The following BBS9 variants were observed in gnomAD, a reference collection of about 807,000 sequenced individuals.
BBS9 encodes Bardet-Biedl syndrome 9.
A neutral mutation model predicts 117.7 loss-of-function variants in BBS9; 89 were observed. The ratio of observed to expected loss-of-function variants is 0.76; its 90% confidence interval spans 0.64 to 0.90. BBS9 has a LOEUF of 0.90. BBS9 is among the 40% of genes least tolerant of loss of function. The pLI, the probability that BBS9 is intolerant of heterozygous loss-of-function variation, is 0.00. For missense variants in BBS9, 982 were observed against 1,042.2 expected (o/e 0.94, Z 0.80); for synonymous variants, 379 against 370.9 (o/e 1.02, Z -0.25).
intron 5 of BBS9, among the ~76,000 whole-genome samples, chr7:33,240,239 G>A (rs1562859534): frequency 6.8e-6 from 1 of 148,056 alleles, no homozygotes; most frequent in Non-Finnish European, 1.5e-5. Flanking sequence ...TGTGTAGGAG[G>A]GCTAATCATT....
chr7:33,203,501 G>A (rs1786288792), intron 5 of BBS9, among the ~76,000 whole-genome samples: 1 of 152,120 alleles, frequency 6.6e-6, no homozygotes. Context: ...TACTAAAAGT[G>A]TTGTTTCTGA....
chr7:33,141,703 T>G (rs1274697351), intron 1 of BBS9, among the ~76,000 whole-genome samples: 1 of 152,286 alleles, frequency 6.6e-6, no homozygotes, highest in East Asian at 1.9e-4. Flanking sequence ...ACTTTTTTTT[T>G]GTAGATAGTT....
chr7:33,178,507 C>G (rs1007902976), intron 5 of BBS9, among the ~76,000 whole-genome samples: 2 of 152,168 alleles, frequency 1.3e-5, no homozygotes, highest in East Asian at 1.9e-4. Flanking sequence ...CTCCCTGCAC[C>G]GTGACAGGGT....
intron 1 of BBS9, among the ~76,000 whole-genome samples, chr7:33,142,445 T>C (rs1354469107): frequency 6.6e-6 from 1 of 152,264 alleles, no homozygotes; most frequent in Admixed American, 6.5e-5. Context: ...TTATTTTTAA[T>C]TGTGGTAAAA....
intron 19 of BBS9, among the ~76,000 whole-genome samples, chr7:33,406,984 C>G (rs1039852327): frequency 6.6e-6 from 1 of 151,414 alleles, no homozygotes; most frequent in African/African-American, 2.4e-5. Context: ...GTTGGCCTGC[C>G]TTGCTAGATT....
chr7:33,620,721 A>T (rs1034384279), intron 21 of BBS9, among the ~76,000 whole-genome samples: 2 of 152,208 alleles, frequency 1.3e-5, no homozygotes, highest in African/African-American at 2.4e-5. Context: ...CGTTTTTCAC[A>T]GAAATAGAAA....
chr7:33,363,026 C>G (rs897840741), intron 16 of BBS9, among the ~76,000 whole-genome samples: 6 of 152,008 alleles, frequency 3.9e-5, no homozygotes, highest in African/African-American at 1.4e-4. Context: ...TCAGATATAT[C>G]CCTATTTCAT....
intron 9 of BBS9, among the ~76,000 whole-genome samples, chr7:33,285,269 A>T (rs1438693753): frequency 1.3e-5 from 2 of 152,136 alleles, no homozygotes; most frequent in African/African-American, 4.8e-5. Flanking sequence ...TATAATCAGA[A>T]ATGTTAGGTA....
intron 5 of BBS9, among the ~76,000 whole-genome samples, chr7:33,231,670 G>A (rs767716872): frequency 1.5e-4 from 23 of 151,870 alleles, no homozygotes; most frequent in Admixed American, 1.2e-3. Flanking sequence ...TAAAGAAGTA[G>A]GTAATTTAGA....
intron 4 of BBS9, among the ~76,000 whole-genome samples, chr7:33,168,304 G>A (rs75961341): frequency 2.6e-3 from 390 of 152,220 alleles, no homozygotes; most frequent in Non-Finnish European, 4.3e-3. Flanking sequence ...ATGGTCATTC[G>A]TTTAGCCAAA....
At chr7:33,570,166 A>T (rs1857552583) in intron 21 of BBS9, among the ~76,000 whole-genome samples, 1 of 152,208 alleles carries the variant, frequency 6.6e-6, no homozygotes, top group South Asian at 2.1e-4. Context: ...AGATATAAAA[A>T]TTAAATACTT....
At chr7:33,193,633 G>T (rs933657335) in intron 5 of BBS9, among the ~76,000 whole-genome samples, 4 of 152,068 alleles carry the variant, frequency 2.6e-5, no homozygotes, top group Non-Finnish European at 5.9e-5. Context: ...TGGATATCAT[G>T]CAGTGTGTCT....
At chr7:33,205,228 G>A (rs1224516038) in intron 5 of BBS9, among the ~76,000 whole-genome samples, 1 of 152,190 alleles carries the variant, frequency 6.6e-6, no homozygotes, top group Non-Finnish European at 1.5e-5. Context: ...AACCATGGCT[G>A]TATTCCTTGG....
chr7:33,485,415 T>A (rs1054042703), intron 19 of BBS9, among the ~76,000 whole-genome samples: 4 of 150,570 alleles, frequency 2.7e-5, no homozygotes, highest in Non-Finnish European at 5.9e-5. Context: ...GTTCATGCCA[T>A]TCTCCTGCCT....
chr7:33,491,202 A>T (rs1843847945), intron 19 of BBS9, among the ~76,000 whole-genome samples: 2 of 152,232 alleles, frequency 1.3e-5, no homozygotes. Context: ...GTATAACTCC[A>T]AACAAAATAC....
intron 5 of BBS9, among the ~76,000 whole-genome samples, chr7:33,196,651 G>A (rs1329987107): frequency 1.3e-5 from 2 of 152,156 alleles, no homozygotes; most frequent in Non-Finnish European, 2.9e-5. Context: ...ACTGGCTCCC[G>A]TTCCTTGCCT....
chr7:33,373,412 T>C lies in BBS9; in HGVS notation c.1789+5550T>C, dbSNP rs184532149. 2.6e-4 allele frequency among the ~76,000 whole-genome samples: 39 copies of C among 152,288 alleles called. 1 individual carries two copies. The highest frequency in any genetic ancestry group is 1.3e-3 in the East Asian group (7 of 5,186). ...ATGCTGAATAGACACATACTCTCAGTGTCACAAAGTGACACTGACAAATTG... is the reference window on the plus strand; with the variant it reads ...ATGCTGAATAGACACATACTCTCAGCGTCACAAAGTGACACTGACAAATTG... On this transcript the variant is annotated intron_variant, in intron 17 of 22. Transcript: ENST00000242067.
intron 15 of BBS9, among the ~76,000 whole-genome samples, chr7:33,357,441 TA>T (rs1368364950): frequency 6.6e-6 from 1 of 151,786 alleles, no homozygotes; most frequent in Admixed American, 6.6e-5. Context: ...TATGGTAATA[TA>T]CAGTCTTAAA....
intron 17 of BBS9, among the ~76,000 whole-genome samples, chr7:33,371,227 T>G: frequency 6.6e-6 from 1 of 152,296 alleles, no homozygotes; most frequent in Admixed American, 6.5e-5. Context: ...AAGATTATGC[T>G]TAAGTAATTA....
Sources: allele counts gnomAD v4.1 joint callset (sites outside exome capture counted in the v4.1 genomes callset), GRCh38; gene constraint gnomAD v4.1.1; transcripts MANE v1.5; gene names NCBI Gene and HGNC (gene_info 2026-07-23, HGNC 2026-07-21).